The following CRBN variants were observed in gnomAD, a reference collection of about 807,000 sequenced individuals.
CRBN encodes protein cereblon.
CRBN carries 53 observed loss-of-function variants against 62.2 expected under a neutral mutation model. The ratio of observed to expected loss-of-function variants is 0.85; its 90% confidence interval spans 0.68 to 1.07. The LOEUF (loss-of-function observed/expected upper bound fraction) is 1.07, where lower values mean the gene tolerates loss of function less well. Among genes scored for constraint, CRBN ranks in the 50% least tolerant of loss-of-function variants. CRBN has a pLI of 0.00. For missense variants in CRBN, 616 were observed against 531.1 expected (o/e 1.16, Z -1.57); for synonymous variants, 208 against 176.1 (o/e 1.18, Z -1.43).
chr3:3,151,915 C>T lies in CRBN; in HGVS notation c.1148+541G>A, dbSNP rs150582965. Among the ~76,000 whole-genome samples the T allele has an allele frequency of 4.6e-5, 7 of 152,272 alleles. No homozygotes were observed. The East Asian group carries it at 1.3e-3, about 29-fold the overall frequency. On this transcript the variant is annotated intron_variant, in intron 10 of 10. Coordinates refer to ENST00000231948, the MANE Select transcript of CRBN (RefSeq NM_016302.4). Reference sequence around the variant, plus strand: ...CTATCATTGCTTTGTAAACATTCTCCGGTTTTACATTACTACAGAATATGG... The same window carrying T: ...CTATCATTGCTTTGTAAACATTCTCTGGTTTTACATTACTACAGAATATGG...
intron 5 of CRBN, among the ~76,000 whole-genome samples, chr3:3,157,565 T>C (rs1706950539): frequency 6.6e-6 from 1 of 151,896 alleles, no homozygotes; most frequent in African/African-American, 2.4e-5. Context: ...GAATGATACT[T>C]ACCCTAGGTA....
At position 3,172,901 on chromosome 3, in the gene CRBN, C is replaced by G; in HGVS notation, c.402G>C (p.Gln134His). 1 of 1,613,912 alleles carries G rather than the reference C, an allele frequency of 6.2e-7. No individual in the cohort carries two copies. Among genetic ancestry groups the G allele is most frequent in the Non-Finnish European group, 8.5e-7 (1 of 1,179,854 alleles). The part of the protein sequence containing the change: ...AYSNVQEREA[Q>H]FGTTAEIYAY... ...CATATATCTCTGCTGTTGTTCCAAA[C>G]TGTGCTTCCCTTTCCTGTACATTGC... Residue 134 changes from glutamine (Q) to histidine (H), a missense_variant, in exon 4 of 11, where the codon CAG (glutamine) becomes CAC (histidine). By Grantham distance (24) the Gln-to-His change is conservative (BLOSUM62 0). Transcript: ENST00000231948.
chr3:3,178,032 CAAAA>C (rs1575104471), intron 1 of CRBN, among the ~76,000 whole-genome samples: 1 of 151,320 alleles, frequency 6.6e-6, no homozygotes, highest in Non-Finnish European at 1.5e-5. Flanking sequence ...AAAAAACAAA[CAAAA>C]AACCACGCTG....
intron 4 of CRBN, among the ~76,000 whole-genome samples, chr3:3,171,099 G>T (rs181925257): frequency 6.6e-6 from 1 of 152,120 alleles, no homozygotes; most frequent in Non-Finnish European, 1.5e-5. Flanking sequence ...GCCACTGTGC[G>T]CGGCCTGATG....
At chr3:3,167,527 C>T (rs1389784552) in intron 5 of CRBN, 107 bp downstream of exon 5, 7 of 1,089,836 alleles carry the variant, frequency 6.4e-6, no homozygotes, top group Non-Finnish European at 9.6e-6. Flanking sequence ...TATTGCCATA[C>T]AAGGTGGCTG....
chr3:3,159,247 G>T (rs1707036852), intron 5 of CRBN, among the ~76,000 whole-genome samples: 1 of 152,100 alleles, frequency 6.6e-6, no homozygotes, highest in Non-Finnish European at 1.5e-5. Flanking sequence ...GCCAGTGAAT[G>T]AAAGAAAAAC....
chr3:3,153,266 G>C, intron 9 of CRBN, 158 bp downstream of exon 9: 3 of 585,502 alleles, frequency 5.1e-6, no homozygotes, highest in Non-Finnish European at 9.4e-6. Context: ...ACCCAATCTG[G>C]AAGATGGTCT....
chr3:3,167,484 G>A (rs1707395340), intron 5 of CRBN, 150 bp downstream of exon 5: 2 of 718,184 alleles, frequency 2.8e-6, no homozygotes, highest in Non-Finnish European at 4.6e-6. Context: ...GTAGCTGCCT[G>A]TGCAATTTTT....
At chr3:3,151,728 C>A (rs1706567075) in intron 10 of CRBN, among the ~76,000 whole-genome samples, 1 of 152,174 alleles carries the variant, frequency 6.6e-6, no homozygotes, top group South Asian at 2.1e-4. Flanking sequence ...CCCAGAGTAG[C>A]ATGTAATCCC....
intron 5 of CRBN, among the ~76,000 whole-genome samples, chr3:3,157,281 A>T (rs770584980): frequency 6.6e-6 from 1 of 152,240 alleles, no homozygotes; most frequent in Non-Finnish European, 1.5e-5. Flanking sequence ...TCTGCAAGTG[A>T]TCAAAGAACA....
At chr3:3,154,945 C>A in intron 6 of CRBN, 114 bp from the exon 7 acceptor site, 1 of 710,710 alleles carries the variant, frequency 1.4e-6, no homozygotes, top group South Asian at 1.5e-5. Context: ...TCAGTCCCAT[C>A]TCAGTCCCAG....
At chr3:3,152,306 C>T in intron 10 of CRBN, 150 bp downstream of exon 10, 1 of 810,476 alleles carries the variant, frequency 1.2e-6, no homozygotes, top group Admixed American at 2.6e-5. Context: ...ACCCCTGCCC[C>T]CATACCCGGC....
intron 5 of CRBN, among the ~76,000 whole-genome samples, chr3:3,166,007 G>A (rs909035076): frequency 6.6e-6 from 1 of 151,974 alleles, no homozygotes; most frequent in Non-Finnish European, 1.5e-5. Context: ...AATGACTATG[G>A]GAGCAAAATT....
At chr3:3,174,299 A>G in intron 2 of CRBN, 38 bp from the exon 3 acceptor site, 1 of 1,470,486 alleles carries the variant, frequency 6.8e-7, no homozygotes, top group Non-Finnish European at 9.5e-7. Context: ...GTCATGATCG[A>G]TATGTAATAA....
chr3:3,150,835 G>T lies in CRBN; in HGVS notation c.*30C>A. On this transcript the variant is annotated 3_prime_UTR_variant, in exon 11 of 11. Transcript: ENST00000231948. The stretch of plus-strand genomic sequence containing the variant: ...GCAGATCTTAGAATATAACCAATTT[G>T]TTAGATAACTTTATCTCTATCACAT... The T allele has an allele frequency of 1.3e-6, 2 of 1,556,694 alleles. No homozygotes were observed. Among genetic ancestry groups the T allele is most frequent in the East Asian group, 2.3e-5 (1 of 44,408 alleles).
In CRBN at chr3:3,150,997, T is replaced by C; in HGVS notation, c.1197A>G (p.Gly399=). The change falls in exon 11 of 11, where the codon GGA becomes GGG. Residue 399 remains glycine, a synonymous_variant. Transcript: ENST00000231948. ...AQCKICASHI[G]WKFTATKKDM... The stretch of plus-strand genomic sequence containing the variant: ...CTTTTTTGGTGGCCGTAAACTTCCA[T>C]CCAATATGGCTTGCACAGATCTTAC... 6.2e-7 allele frequency: 1 copy of C among 1,613,942 alleles called. No individual in the cohort carries two copies. The highest frequency in any genetic ancestry group is 8.5e-7 in the Non-Finnish European group (1 of 1,179,954).
chr3:3,168,544 C>A (rs1707451222), intron 4 of CRBN, among the ~76,000 whole-genome samples: 1 of 152,112 alleles, frequency 6.6e-6, no homozygotes. Context: ...AGTGTAGCTT[C>A]TGAAATGTAG....
intron 5 of CRBN, among the ~76,000 whole-genome samples, chr3:3,160,022 G>C (rs946366221): frequency 1.3e-5 from 2 of 152,176 alleles, no homozygotes; most frequent in African/African-American, 4.8e-5. Flanking sequence ...ACCAATGACG[G>C]ATTCTCCAGC....
chr3:3,156,510 G>T (rs1706900176), intron 5 of CRBN: 10 of 539,196 alleles, frequency 1.9e-5, no homozygotes, highest in South Asian at 1.8e-4. Context: ...TATTTAAAAA[G>T]GTCAAACATT....
Sources: allele counts gnomAD v4.1 joint callset (sites outside exome capture counted in the v4.1 genomes callset), GRCh38; gene constraint gnomAD v4.1.1; transcripts MANE v1.5; gene names NCBI Gene and HGNC (gene_info 2026-07-23, HGNC 2026-07-21).